The following VWC2 variants were observed in gnomAD, a reference collection of about 807,000 sequenced individuals.
The protein encoded by VWC2 is von Willebrand factor C domain containing 2.
In VWC2, 14 loss-of-function variants were observed where a neutral mutation model predicts 29.8. That is an observed-to-expected ratio of 0.47 (90% CI 0.31 to 0.74). The LOEUF (loss-of-function observed/expected upper bound fraction) is 0.74, where lower values mean the gene tolerates loss of function less well. Among genes scored for constraint, VWC2 ranks in the 30% least tolerant of loss-of-function variants. VWC2 has a pLI of 0.05. For synonymous variants in VWC2, 213 were observed against 199.0 expected, an observed-to-expected ratio of 1.07 and a Z score of -0.59; for missense variants, 457 against 459.8, an observed-to-expected ratio of 0.99 and a Z score of 0.05.
At chr7:49,835,535 C>T (rs959746854) in intron 3 of VWC2, among the ~76,000 whole-genome samples, 4 of 152,174 alleles carry the variant, frequency 2.6e-5, no homozygotes, top group Admixed American at 2.6e-4. Flanking sequence ...CCAGTATAAA[C>T]TGAGCTCAAC....
chr7:49,883,098 A>C (rs79098362), intron 3 of VWC2, among the ~76,000 whole-genome samples: 5,094 of 152,174 alleles, frequency 0.033, 131 homozygotes, highest in Non-Finnish European at 0.051. Flanking sequence ...AATGGGCCAG[A>C]GATTTCCCAA....
intron 3 of VWC2, among the ~76,000 whole-genome samples, chr7:49,852,676 T>C (rs1404249012): frequency 1.3e-5 from 2 of 150,880 alleles, no homozygotes; most frequent in African/African-American, 5.0e-5. Context: ...CCCTACCACC[T>C]TGGTGTGACG....
At chr7:49,793,233 T>A (rs867272420) in intron 2 of VWC2, among the ~76,000 whole-genome samples, 5 of 152,228 alleles carry the variant, frequency 3.3e-5, no homozygotes, top group Non-Finnish European at 7.3e-5. Context: ...TGAGATTTTT[T>A]AAAATGTGTG....
At position 49,853,264 on chromosome 7, in the gene VWC2, G is replaced by A. The variant is rs10272559; in HGVS notation, c.826+50424G>A. On this transcript the variant is annotated intron_variant, in intron 3 of 3. Coordinates refer to ENST00000340652, the MANE Select transcript of VWC2 (RefSeq NM_198570.5). ...TGTTCTGCATGGCAGACCCTATCAG[G>A]TATGACTGTAGTCTCCCTTAGGAAC... Among the ~76,000 whole-genome samples the A allele has an allele frequency of 7.8e-3, 1,187 of 152,352 alleles. 18 individuals are homozygous for A. The highest frequency in any genetic ancestry group is 0.027 in the African/African-American group (1,116 of 41,580).
chr7:49,789,082 G>A (rs1189085304), intron 2 of VWC2, among the ~76,000 whole-genome samples: 2 of 149,238 alleles, frequency 1.3e-5, no homozygotes, highest in African/African-American at 5.1e-5. Flanking sequence ...GTGTGTGAGA[G>A]TGTAGGTTTG....
At chr7:49,843,491 C>T (rs1005273976) in intron 3 of VWC2, among the ~76,000 whole-genome samples, 1 of 152,158 alleles carries the variant, frequency 6.6e-6, no homozygotes, top group African/African-American at 2.4e-5. Context: ...AGCAGAGGTC[C>T]AGCTTACAAG....
intron 2 of VWC2, among the ~76,000 whole-genome samples, chr7:49,797,000 C>G (rs531549624): frequency 6.6e-6 from 1 of 152,230 alleles, no homozygotes; most frequent in African/African-American, 2.4e-5. Context: ...CTATTACCCA[C>G]TCCTACTTAA....
intron 3 of VWC2, among the ~76,000 whole-genome samples, chr7:49,840,994 G>T (rs558186230): frequency 6.6e-6 from 1 of 152,286 alleles, no homozygotes; most frequent in Admixed American, 6.5e-5. Flanking sequence ...AGAGCTAGAA[G>T]GAATACCTTT....
chr7:49,845,085 A>T (rs1372454505), intron 3 of VWC2, among the ~76,000 whole-genome samples: 1 of 152,128 alleles, frequency 6.6e-6, no homozygotes, highest in Non-Finnish European at 1.5e-5. Flanking sequence ...AACGATGAGA[A>T]CACATGAACA....
At chr7:49,789,682 A>G (rs968596045) in intron 2 of VWC2, among the ~76,000 whole-genome samples, 4 of 152,218 alleles carry the variant, frequency 2.6e-5, no homozygotes, top group African/African-American at 9.7e-5. Context: ...TTGATCTTCC[A>G]ATGTTTTTAA....
intron 2 of VWC2, among the ~76,000 whole-genome samples, chr7:49,785,382 C>T (rs558492148): frequency 3.3e-5 from 5 of 152,056 alleles, no homozygotes; most frequent in South Asian, 2.1e-4. Flanking sequence ...TTCCAAGAGA[C>T]GGCAGTTCCA....
chr7:49,897,147 G>A (rs930206440), intron 3 of VWC2, among the ~76,000 whole-genome samples: 1 of 151,550 alleles, frequency 6.6e-6, no homozygotes, highest in Non-Finnish European at 1.5e-5. Context: ...CACCCGCCTC[G>A]GCCTCCCAAA....
At chr7:49,800,586 A>G (rs1449938483) in intron 2 of VWC2, among the ~76,000 whole-genome samples, 1 of 152,026 alleles carries the variant, frequency 6.6e-6, no homozygotes, top group African/African-American at 2.4e-5. Context: ...GCTCTCCATC[A>G]TGTAATCCAC....
intron 2 of VWC2, among the ~76,000 whole-genome samples, chr7:49,786,890 G>T (rs1445457448): frequency 2.0e-5 from 3 of 152,182 alleles, no homozygotes; most frequent in African/African-American, 7.2e-5. Context: ...TTTGTTGGAT[G>T]CATAGTTTGC....
At chr7:49,877,481 A>AAAAAAAAATATACAT in intron 3 of VWC2, among the ~76,000 whole-genome samples, 9 of 12,728 alleles carry the variant, frequency 7.1e-4, no homozygotes, top group Non-Finnish European at 1.0e-3. Flanking sequence ...AAAAAAAAAA[A>AAAAAAAAATATACAT]ATATATATAT....
chr7:49,832,034 G>A (rs1023138684), intron 3 of VWC2, among the ~76,000 whole-genome samples: 2 of 152,196 alleles, frequency 1.3e-5, no homozygotes, highest in Non-Finnish European at 2.9e-5. Context: ...AGGCTGAGGG[G>A]TCCCTGGAGG....
intron 3 of VWC2, among the ~76,000 whole-genome samples, chr7:49,869,832 A>G (rs1348816590): frequency 1.3e-5 from 2 of 152,160 alleles, no homozygotes; most frequent in East Asian, 3.9e-4. Context: ...TTTCATAGTA[A>G]TCCAAAACGG....
chr7:49,855,905 A>G (rs1443745153), intron 3 of VWC2, among the ~76,000 whole-genome samples: 1 of 152,210 alleles, frequency 6.6e-6, no homozygotes, highest in East Asian at 1.9e-4. Context: ...GGGGAAGAGA[A>G]GGAAGAAAAC....
At chr7:49,840,020 C>T (rs980389502) in intron 3 of VWC2, among the ~76,000 whole-genome samples, 2 of 152,100 alleles carry the variant, frequency 1.3e-5, no homozygotes, top group Non-Finnish European at 2.9e-5. Context: ...GGTGCTGGGA[C>T]GTGTCTATCT....
Sources: gnomAD v4.1 joint callset for allele counts (sites outside exome capture counted in the v4.1 genomes callset) on GRCh38, gnomAD v4.1.1 for gene constraint, MANE v1.5 for transcripts, NCBI Gene and HGNC (gene_info 2026-07-23, HGNC 2026-07-21) for gene names.